RIPOR2: variants seen among roughly 807,000 people sequenced by gnomAD.
The protein encoded by RIPOR2 is RHO family interacting cell polarization regulator 2.
Under a neutral mutation model 114.5 loss-of-function variants are expected in RIPOR2, and 39 were observed. That is an observed-to-expected ratio of 0.34 (90% confidence interval 0.26 to 0.44). The LOEUF is 0.44. Ranked by LOEUF, RIPOR2 falls within the 20% of genes least tolerant of loss-of-function variation. The pLI is 1.00. For synonymous variants in RIPOR2, 445 were observed against 484.4 expected, an observed-to-expected ratio of 0.92 and a Z score of 1.07; for missense variants, 1,007 against 1,255.1, an observed-to-expected ratio of 0.80 and a Z score of 2.99.
At chr6:24,828,023 C>G in intron 18 of RIPOR2, 114 bp downstream of exon 18, 1 of 926,214 alleles carries the variant, frequency 1.1e-6, no homozygotes, top group Non-Finnish European at 1.5e-6. Flanking sequence ...AATTGCACCT[C>G]TACTGTGGAC....
chr6:24,980,029 G>C (rs1228320684), intron 1 of RIPOR2, among the ~76,000 whole-genome samples: 1 of 152,176 alleles, frequency 6.6e-6, no homozygotes, highest in Non-Finnish European at 1.5e-5. Flanking sequence ...GTGGAAAAGG[G>C]ACAGCCCATA....
rs978448382 is a variant in RIPOR2 at position 24,917,364 on chromosome 6, C to T, written c.61+18474G>A. On this transcript the variant is annotated intron_variant, in intron 1 of 21. Transcript: ENST00000643898. ...CTTTACAAATTCGTATAGTTCTAAA[C>T]GCCATAGGCTGAAAGTAAATGGCAT... is the stretch of plus-strand genomic sequence containing the variant. Among the ~76,000 whole-genome samples the T allele has an allele frequency of 5.3e-5, 8 of 152,282 alleles. No homozygotes were observed. In the South Asian group the frequency reaches 1.0e-3, roughly 20 times the overall value.
intron 1 of RIPOR2, among the ~76,000 whole-genome samples, chr6:24,876,768 C>T (rs963505119): frequency 1.3e-5 from 2 of 152,110 alleles, no homozygotes; most frequent in African/African-American, 4.8e-5. Flanking sequence ...CAGCAGAAAG[C>T]GCACAACTTG....
At chr6:24,855,217 A>G (rs1303254423) in intron 8 of RIPOR2, among the ~76,000 whole-genome samples, 2 of 152,258 alleles carry the variant, frequency 1.3e-5, no homozygotes, top group Admixed American at 6.5e-5. Context: ...TATTTGATTT[A>G]TAAAAAGATG....
intron 3 of RIPOR2, 53 bp from the exon 4 acceptor site, chr6:24,873,012 T>C (rs1042786646): frequency 2.5e-4 from 305 of 1,234,936 alleles, no homozygotes; most frequent in Non-Finnish European, 1.3e-4. Context: ...TTAAGTGGAA[T>C]CTGGTGCTGT....
intron 1 of RIPOR2, among the ~76,000 whole-genome samples, chr6:24,975,039 T>G (rs62401114): frequency 0.99 from 150,077 of 152,274 alleles, 73,941 homozygotes; most frequent in Non-Finnish European, 1. Flanking sequence ...TTTCTTTTAA[T>G]GGTAATAAAA....
At chr6:25,016,736 A>G (rs1776023833) in intron 1 of RIPOR2, among the ~76,000 whole-genome samples, 1 of 152,212 alleles carries the variant, frequency 6.6e-6, no homozygotes, top group Non-Finnish European at 1.5e-5. Flanking sequence ...TCTTCAAAAA[A>G]GTTCTGACAT....
chr6:25,030,025 C>T (rs1459483477), intron 1 of RIPOR2, among the ~76,000 whole-genome samples: 1 of 152,050 alleles, frequency 6.6e-6, no homozygotes, highest in Non-Finnish European at 1.5e-5. Flanking sequence ...CGTGGTTCCT[C>T]CATAACTTGG....
At chr6:24,839,423 T>C in intron 13 of RIPOR2, 151 bp from the exon 14 acceptor site, 2 of 1,432,906 alleles carry the variant, frequency 1.4e-6, no homozygotes, top group East Asian at 2.5e-5. Context: ...AAAATCTTTA[T>C]ATCCAAAAAA....
At position 24,843,150 on chromosome 6, in the gene RIPOR2, C is replaced by A; in HGVS notation, c.1569G>T (p.Glu523Asp). The change falls in exon 13 of 22, where the codon GAG (glutamate) becomes GAT (aspartate). Residue 523 changes from glutamate (E) to aspartate (D), a missense_variant. Coordinates refer to ENST00000643898, the MANE Select transcript of RIPOR2 (RefSeq NM_001286445.3). Reference sequence around the variant, plus strand: ...GCTTGAGCTCAGAGGCCTCCTCAGACTCTTGCAGAAGTGCTTCTGCAACAT... The same window carrying A: ...GCTTGAGCTCAGAGGCCTCCTCAGAATCTTGCAGAAGTGCTTCTGCAACAT... ...ENDVAEALLQ[E>D]SEEASELKPV... 1.9e-6 allele frequency: 3 copies of A among 1,614,028 alleles called. No homozygotes were observed. The highest frequency in any genetic ancestry group is 2.5e-6 in the Non-Finnish European group (3 of 1,179,888).
At chr6:24,956,009 CAAAA>C (rs10587846) in intron 1 of RIPOR2, among the ~76,000 whole-genome samples, 13 of 130,494 alleles carry the variant, frequency 1.0e-4, no homozygotes, top group African/African-American at 8.6e-5. Flanking sequence ...GACTCTGTCT[CAAAA>C]AAAAAAAAAA....
At chr6:24,920,514 A>G (rs1054354120) in intron 1 of RIPOR2, among the ~76,000 whole-genome samples, 1 of 152,214 alleles carries the variant, frequency 6.6e-6, no homozygotes, top group Non-Finnish European at 1.5e-5. Flanking sequence ...TTTGCATTGT[A>G]TTACTGAACT....
chr6:24,847,746 T>A (rs2113761058), intron 12 of RIPOR2: 1 of 1,486,382 alleles, frequency 6.7e-7, no homozygotes, highest in East Asian at 2.5e-5. Context: ...GGTTACTACA[T>A]TTTGTTAGCT....
At chr6:24,973,474 C>T (rs756204894) in intron 1 of RIPOR2, among the ~76,000 whole-genome samples, 8 of 151,562 alleles carry the variant, frequency 5.3e-5, no homozygotes, top group East Asian at 1.9e-4. Context: ...GGTGTGGTGG[C>T]GTGCGTCTGC....
chr6:24,874,484 C>T (rs1765525027), intron 2 of RIPOR2, among the ~76,000 whole-genome samples: 1 of 152,176 alleles, frequency 6.6e-6, no homozygotes, highest in Admixed American at 6.5e-5. Context: ...AGATCTGAGC[C>T]ATCCTGCATT....
intron 1 of RIPOR2, among the ~76,000 whole-genome samples, chr6:24,919,034 C>T (rs1161795419): frequency 1.3e-5 from 2 of 152,206 alleles, no homozygotes; most frequent in African/African-American, 4.8e-5. Flanking sequence ...TCCCCATGGG[C>T]CCAGCACAGT....
chr6:24,819,647 C>T (rs1247514438), intron 19 of RIPOR2, among the ~76,000 whole-genome samples: 1 of 101,544 alleles, frequency 9.8e-6, no homozygotes, highest in Admixed American at 1.1e-4. Flanking sequence ...AGGTGCCCAC[C>T]ACCACGCCCA....
At chr6:25,009,552 C>T (rs1775694836) in intron 1 of RIPOR2, among the ~76,000 whole-genome samples, 1 of 152,092 alleles carries the variant, frequency 6.6e-6, no homozygotes, top group Non-Finnish European at 1.5e-5. Flanking sequence ...AAAGAAGAAA[C>T]CACAAAGCTC....
At chr6:25,021,079 G>A (rs1023720038) in intron 1 of RIPOR2, among the ~76,000 whole-genome samples, 2 of 152,012 alleles carry the variant, frequency 1.3e-5, no homozygotes, top group East Asian at 1.9e-4. Context: ...GGCTGGTCTC[G>A]AACTCCTGAC....
Sources: allele counts gnomAD v4.1 joint callset (sites outside exome capture counted in the v4.1 genomes callset), GRCh38; gene constraint gnomAD v4.1.1; transcripts MANE v1.5; gene names NCBI Gene and HGNC (gene_info 2026-07-23, HGNC 2026-07-21).